Variants in PLBD2 observed in about 807,000 individuals in gnomAD.
PLBD2 encodes phospholipase B domain containing 2, also known as putative aminopeptidase PLBD2.
Under a neutral mutation model 68.3 loss-of-function variants are expected in PLBD2, and 51 were observed. That is an observed-to-expected ratio of 0.75 (90% CI 0.60 to 0.94). The LOEUF is 0.94. PLBD2 is among the 40% of genes least tolerant of loss of function. PLBD2 has a pLI of 0.00. For missense variants in PLBD2, 729 were observed against 792.2 expected, an observed-to-expected ratio of 0.92 and a Z score of 0.96; for synonymous variants, 314 against 339.3, an observed-to-expected ratio of 0.93 and a Z score of 0.82.
intron 1 of PLBD2, 42 bp from the exon 2 acceptor site, chr12:113,369,074 G>A (rs1957365367): frequency 7.1e-7 from 1 of 1,406,426 alleles, no homozygotes; most frequent in Non-Finnish European, 9.8e-7. Context: ...GTCTAGCTGG[G>A]GGCCTCTGCT....
chr12:113,385,083 G>T (rs756179469), intron 8 of PLBD2, 129 bp from the exon 9 acceptor site: 7 of 1,301,026 alleles, frequency 5.4e-6, no homozygotes, highest in East Asian at 4.9e-5. Context: ...TGTCCCTGGT[G>T]GGGGCTGAAG....
intron 1 of PLBD2, among the ~76,000 whole-genome samples, chr12:113,367,748 C>CA (rs563757349): frequency 0.081 from 5,164 of 64,026 alleles, 111 homozygotes; most frequent in Non-Finnish European, 0.093. Flanking sequence ...GATGCTGTCT[C>CA]AAAAAAAAAA....
intron 2 of PLBD2, among the ~76,000 whole-genome samples, chr12:113,370,221 G>T (rs1405443902): frequency 6.6e-6 from 1 of 151,888 alleles, no homozygotes; most frequent in African/African-American, 2.4e-5. Context: ...TTTTAAATGT[G>T]AATTTTATGG....
chr12:113,382,065 C>A (rs1016159285), intron 6 of PLBD2, among the ~76,000 whole-genome samples: 1 of 152,184 alleles, frequency 6.6e-6, no homozygotes, highest in African/African-American at 2.4e-5. Context: ...TGAAGGGATC[C>A]TCCTACCTCA....
rs1018498078 is a variant in PLBD2, at chr12:113,389,992, C to T, written c.*1366C>T. On this transcript the variant is annotated 3_prime_UTR_variant, in exon 12 of 12. Coordinates refer to ENST00000280800, the MANE Select transcript of PLBD2 (RefSeq NM_173542.4). ...AAGTGCTTGGATTACAGATGTGAGCCCCCGCACCTGGCCTCATTTGTCCAT... is the reference window on the plus strand; with the variant it reads ...AAGTGCTTGGATTACAGATGTGAGCTCCCGCACCTGGCCTCATTTGTCCAT... 1.3e-5 allele frequency: 2 copies of T among 152,114 alleles called. No homozygotes were observed. The highest frequency in any genetic ancestry group is 2.9e-5 in the Non-Finnish European group (2 of 68,066). The allele number at this position is 152,114 out of a possible 1,614,324, so 9.4% of individuals were successfully genotyped here.
At chr12:113,358,928 G>A (rs764199823) in intron 1 of PLBD2, 38 bp downstream of exon 1, 1 of 1,481,656 alleles carries the variant, frequency 6.7e-7, no homozygotes, top group Non-Finnish European at 8.9e-7. Context: ...GCCATCGGGG[G>A]AGGGGGATGC....
chr12:113,378,515 T>C (rs116405170), intron 5 of PLBD2, among the ~76,000 whole-genome samples: 1,698 of 152,236 alleles, frequency 0.011, 37 homozygotes, highest in African/African-American at 0.038. Flanking sequence ...TTTGGTCCAC[T>C]GTGCGTTTTG....
At chr12:113,387,716 C>T in intron 10 of PLBD2, 28 bp from the exon 11 acceptor site, 8 of 1,607,210 alleles carry the variant, frequency 5.0e-6, no homozygotes, top group Non-Finnish European at 6.8e-6. Context: ...CCTGGGATGA[C>T]TGATGTTCCC....
At chr12:113,360,127 G>T (rs1373956587) in intron 1 of PLBD2, among the ~76,000 whole-genome samples, 1 of 152,158 alleles carries the variant, frequency 6.6e-6, no homozygotes, top group Admixed American at 6.5e-5. Flanking sequence ...CACTTGGGGG[G>T]TACATCAAGT....
At chr12:113,381,300 C>CA (rs1036287282) in intron 6 of PLBD2, among the ~76,000 whole-genome samples, 1 of 151,360 alleles carries the variant, frequency 6.6e-6, no homozygotes, top group Non-Finnish European at 1.5e-5. Flanking sequence ...TTGCTTTCCT[C>CA]AGAGCCCCTC....
At position 113,362,791 on chromosome 12, in the gene PLBD2, ATT is replaced by A. The variant is rs112639164; in HGVS notation, c.290+3912_290+3913del. On this transcript the variant is annotated intron_variant, in intron 1 of 11. Coordinates refer to ENST00000280800, the MANE Select transcript of PLBD2 (RefSeq NM_173542.4). The stretch of plus-strand genomic sequence containing the variant: ...ATAAGGAGTAATCTTCTTTTGATTT[ATT>A]TTTTTTTTTTGAGATAGAGTCTGCT... 6.4e-4 allele frequency among the ~76,000 whole-genome samples: 93 copies of A among 145,794 alleles called. 1 individual carries two copies. Among genetic ancestry groups the A allele is most frequent in the African/African-American group, 2.3e-3 (93 of 39,844 alleles).
At chr12:113,381,007 C>T (rs983639015) in intron 6 of PLBD2, among the ~76,000 whole-genome samples, 165 bp downstream of exon 6, 3 of 152,034 alleles carry the variant, frequency 2.0e-5, no homozygotes, top group Non-Finnish European at 2.9e-5. Flanking sequence ...GACGCTGCCC[C>T]ACCTGCCATT....
chr12:113,391,611 G>C lies in PLBD2; in HGVS notation c.*2985G>C, dbSNP rs928134291. The C allele has an allele frequency of 6.6e-6, 1 of 152,216 alleles. No individual in the cohort carries two copies. The highest frequency in any genetic ancestry group is 2.4e-5 in the African/African-American group (1 of 41,454). The allele number at this position is 152,216 out of a possible 1,614,324, so 9.4% of individuals were successfully genotyped here. ...GTGGAGAAAATAAAGCAAGGTTGGGGTCTGGGGTTGGGAATTGACTTGTGG... is the reference window on the plus strand; with the variant it reads ...GTGGAGAAAATAAAGCAAGGTTGGGCTCTGGGGTTGGGAATTGACTTGTGG... On this transcript the variant is annotated 3_prime_UTR_variant, in exon 12 of 12. Coordinates refer to ENST00000280800, the MANE Select transcript of PLBD2 (RefSeq NM_173542.4).
chr12:113,363,298 C>T (rs1017004919), intron 1 of PLBD2, among the ~76,000 whole-genome samples: 3 of 152,044 alleles, frequency 2.0e-5, no homozygotes, highest in Non-Finnish European at 2.9e-5. Context: ...TAGCTGGGCA[C>T]GGTGGTGCGT....
chr12:113,378,604 C>T (rs1327108289), intron 5 of PLBD2, among the ~76,000 whole-genome samples: 7 of 151,848 alleles, frequency 4.6e-5, no homozygotes, highest in African/African-American at 1.7e-4. Flanking sequence ...TCAGGTGATC[C>T]TCCTGCCTCA....
intron 1 of PLBD2, among the ~76,000 whole-genome samples, chr12:113,364,580 C>T (rs1168266766): frequency 6.6e-6 from 1 of 151,928 alleles, no homozygotes; most frequent in Non-Finnish European, 1.5e-5. Context: ...CCATCTTAGC[C>T]CCAGCCTCCT....
At chr12:113,386,185 GTTGT>G (rs1353890393) in intron 9 of PLBD2, among the ~76,000 whole-genome samples, 26 of 150,282 alleles carry the variant, frequency 1.7e-4, no homozygotes, top group Middle Eastern at 3.4e-3. Context: ...TGTTGTTGTT[GTTGT>G]TTGTTTGTTT....
Position 113,388,571 on chromosome 12 carries a change from A to G in PLBD2, c.1715A>G (p.His572Arg). 6.2e-7 allele frequency: 1 copy of G among 1,610,744 alleles called. No homozygotes were observed. The highest frequency in any genetic ancestry group is 8.5e-7 in the Non-Finnish European group (1 of 1,178,002). The change falls in exon 12 of 12, where the codon CAC becomes CGC. Residue 572 changes from histidine (H) to arginine (R), a missense_variant. Transcript: ENST00000280800. ...WSTSPFSGLL[H>R]MGQPDLWKFA... ...ACCTCGCCCTTCAGCGGCCTGCTGCACATGGGCCAGCCAGACCTCTGGAAG... is the reference window on the plus strand; with the variant it reads ...ACCTCGCCCTTCAGCGGCCTGCTGCGCATGGGCCAGCCAGACCTCTGGAAG...
Position 113,372,561 on chromosome 12 carries a change from C to T in PLBD2, c.385-88C>T. On this transcript the variant is annotated intron_variant, in intron 2 of 11. Coordinates refer to ENST00000280800, the MANE Select transcript of PLBD2 (RefSeq NM_173542.4). The surrounding 1 kb of genome is among the most constrained non-coding windows in gnomAD (Gnocchi z 4.2). ...ACTCAGGTGGCCACACCAGCAGCCT[C>T]CGCTCTGGGGCAGCCTGGGTGGGGG... 2.1e-6 allele frequency: 3 copies of T among 1,444,994 alleles called. No individual in the cohort carries two copies. Among genetic ancestry groups the T allele is most frequent in the South Asian group, 1.3e-5 (1 of 79,216 alleles). The allele number at this position is 1,444,994 out of a possible 1,614,324, so 89.5% of individuals were successfully genotyped here.
Sources: gnomAD v4.1 joint callset for allele counts (sites outside exome capture counted in the v4.1 genomes callset) on GRCh38, gnomAD v4.1.1 for gene constraint, Gnocchi (gnomAD v3.1) non-coding constraint, MANE v1.5 for transcripts, NCBI Gene and HGNC (gene_info 2026-07-23, HGNC 2026-07-21) for gene names.